Variants in DNAAF11 observed in about 807,000 individuals in gnomAD.
DNAAF11 encodes the protein leucine rich repeat containing 6.
DNAAF11 carries 45 observed loss-of-function variants against 60.8 expected under a neutral mutation model. The observed-to-expected ratio is 0.74, with a 90% CI of 0.58 to 0.95. The LOEUF (loss-of-function observed/expected upper bound fraction) is 0.95, where lower values mean the gene tolerates loss of function less well. DNAAF11 is among the 40% of genes least tolerant of loss of function. DNAAF11 has a pLI of 0.00. For synonymous variants in DNAAF11, 191 were observed against 183.5 expected, an observed-to-expected ratio of 1.04 and a Z score of -0.33; for missense variants, 546 against 546.2, an observed-to-expected ratio of 1.00 and a Z score of 0.00.
intron 10 of DNAAF11, among the ~76,000 whole-genome samples, chr8:132,595,769 A>T (rs1816950645): frequency 6.6e-6 from 1 of 152,224 alleles, no homozygotes; most frequent in African/African-American, 2.4e-5. Context: ...ACACAACTAT[A>T]AACGAAAAAG....
At chr8:132,578,482 G>C (rs916472865) in intron 11 of DNAAF11, 10 of 1,534,808 alleles carry the variant, frequency 6.5e-6, no homozygotes, top group African/African-American at 1.4e-5. Flanking sequence ...CGACCTGACT[G>C]TCAGAAACAT....
intron 10 of DNAAF11, among the ~76,000 whole-genome samples, chr8:132,605,715 A>T (rs1818057677): frequency 6.6e-6 from 1 of 152,146 alleles, no homozygotes; most frequent in Non-Finnish European, 1.5e-5. Flanking sequence ...GGTTGGGAGG[A>T]GATGTTTTGT....
chr8:132,575,336 AAGTGTC>A (rs1814629093), intron 11 of DNAAF11, among the ~76,000 whole-genome samples: 1 of 152,236 alleles, frequency 6.6e-6, no homozygotes, highest in Non-Finnish European at 1.5e-5. Flanking sequence ...GGCATTCCGT[AAGTGTC>A]AGTGCCATGT....
intron 3 of DNAAF11, among the ~76,000 whole-genome samples, chr8:132,656,205 G>T (rs901977912): frequency 2.0e-5 from 3 of 152,000 alleles, no homozygotes; most frequent in Non-Finnish European, 4.4e-5. Flanking sequence ...GTAATTGTAG[G>T]GAAGAAACTA....
At chr8:132,655,443 AGG>A (rs1230531986) in intron 3 of DNAAF11, among the ~76,000 whole-genome samples, 1 of 152,154 alleles carries the variant, frequency 6.6e-6, no homozygotes, top group African/African-American at 2.4e-5. Flanking sequence ...AGACACCTAT[AGG>A]GAAAACAAAC....
intron 5 of DNAAF11, among the ~76,000 whole-genome samples, chr8:132,632,101 T>G (rs1259259777): frequency 1.3e-5 from 2 of 152,044 alleles, no homozygotes; most frequent in Non-Finnish European, 2.9e-5. Flanking sequence ...AACTACAAGC[T>G]GCCTATATAA....
At chr8:132,638,141 CAAAG>C in intron 3 of DNAAF11, 34 bp from the exon 4 acceptor site, 1 of 1,584,588 alleles carries the variant, frequency 6.3e-7, no homozygotes, top group African/African-American at 1.3e-5. Context: ...ACAAAGCAAA[CAAAG>C]AAAAATCACA....
At chr8:132,622,028 T>A (rs1819814303) in intron 7 of DNAAF11, among the ~76,000 whole-genome samples, 1 of 152,216 alleles carries the variant, frequency 6.6e-6, no homozygotes, top group Non-Finnish European at 1.5e-5. Flanking sequence ...CTCTCTGGTC[T>A]GTATTTTAGC....
intron 10 of DNAAF11, among the ~76,000 whole-genome samples, chr8:132,609,417 T>G (rs916782187): frequency 6.6e-6 from 1 of 152,020 alleles, no homozygotes; most frequent in African/African-American, 2.4e-5. Flanking sequence ...TTTTGATCCC[T>G]GGTTGGTTGA....
At chr8:132,650,842 A>G (rs1822938093) in intron 3 of DNAAF11, among the ~76,000 whole-genome samples, 1 of 152,204 alleles carries the variant, frequency 6.6e-6, no homozygotes, top group Non-Finnish European at 1.5e-5. Context: ...GAAAGCCTCC[A>G]ATGAGGTGAA....
chr8:132,620,816 A>C (rs1249587270), intron 7 of DNAAF11, among the ~76,000 whole-genome samples: 1 of 152,196 alleles, frequency 6.6e-6, no homozygotes, highest in Non-Finnish European at 1.5e-5. Context: ...GAGACACTCA[A>C]GGTTAAGTTT....
In DNAAF11 at chr8:132,574,001, G is replaced by A. The variant is rs143675559; in HGVS notation, c.1227-1521C>T. On this transcript the variant is annotated intron_variant, in intron 11 of 11. Coordinates refer to ENST00000620350, the MANE Select transcript of DNAAF11 (RefSeq NM_012472.6). The stretch of plus-strand genomic sequence containing the variant: ...GTGAAAGAGGTGGGAATCCGAAGAT[G>A]CCCTGAAAGATGTGAAGGAATGTGG... 4.9e-3 allele frequency among the ~76,000 whole-genome samples: 742 copies of A among 152,272 alleles called. 12 individuals are homozygous for A. The highest frequency in any genetic ancestry group is 0.017 in the African/African-American group (714 of 41,562).
chr8:132,647,438 AACG>A (rs948381788), intron 3 of DNAAF11, among the ~76,000 whole-genome samples: 6 of 152,350 alleles, frequency 3.9e-5, no homozygotes, highest in African/African-American at 1.4e-4. Context: ...TTGACACCCT[AACG>A]TCACAATTAA....
At chr8:132,697,623 G>GAA in the DNAAF11 span, among the ~76,000 whole-genome samples, 70 of 147,026 alleles carry the variant, frequency 4.8e-4, no homozygotes, top group Non-Finnish European at 6.3e-4. Flanking sequence ...ATCTCAAAAA[G>GAA]AAAAAAAAAA....
chr8:132,695,209 C>T, the DNAAF11 span, among the ~76,000 whole-genome samples: 3 of 152,020 alleles, frequency 2.0e-5, no homozygotes, highest in African/African-American at 7.3e-5. Context: ...TCAAATCTAC[C>T]AAGGAATTTT....
the DNAAF11 span, among the ~76,000 whole-genome samples, chr8:132,682,315 G>C: frequency 2.4e-4 from 36 of 152,120 alleles, no homozygotes; most frequent in Non-Finnish European, 4.1e-4. Flanking sequence ...CAATGTAGAT[G>C]CCCCCTCCAA....
intron 3 of DNAAF11, among the ~76,000 whole-genome samples, chr8:132,653,525 T>G (rs1421691530): frequency 1.3e-5 from 2 of 152,240 alleles, no homozygotes; most frequent in Admixed American, 1.3e-4. Context: ...ACCTATTTTC[T>G]TCTCCTAAAT....
intron 3 of DNAAF11, chr8:132,643,704 A>G: frequency 2.2e-6 from 1 of 456,272 alleles, no homozygotes; most frequent in South Asian, 1.5e-5. Flanking sequence ...AGGAATATCA[A>G]GAAACAGCAG....
intron 7 of DNAAF11, among the ~76,000 whole-genome samples, chr8:132,622,308 A>C (rs1428895734): frequency 2.6e-5 from 4 of 152,224 alleles, no homozygotes; most frequent in Admixed American, 2.6e-4. Flanking sequence ...TACAACAATA[A>C]TGTGATGGCA....
Sources: gnomAD v4.1 joint callset for allele counts (sites outside exome capture counted in the v4.1 genomes callset) on GRCh38, gnomAD v4.1.1 for gene constraint, MANE v1.5 for transcripts, NCBI Gene and HGNC (gene_info 2026-07-23, HGNC 2026-07-21) for gene names.